FREM1: variants seen among roughly 807,000 people sequenced by gnomAD.
The protein encoded by FREM1 is FRAS1-related extracellular matrix protein 1.
Under a neutral mutation model 210.1 loss-of-function variants are expected in FREM1, and 220 were observed. The ratio of observed to expected loss-of-function variants is 1.05; its 90% CI spans 0.94 to 1.17. The LOEUF is 1.17. FREM1 is among the 50% of genes most tolerant of loss of function. FREM1 has a pLI of 0.00. For missense variants in FREM1, 3,454 were observed against 2,675.5 expected, an observed-to-expected ratio of 1.29 and a Z score of -6.42; for synonymous variants, 1,189 against 980.2, an observed-to-expected ratio of 1.21 and a Z score of -3.98.
At chr9:14,803,669 T>C (rs1174118680) in intron 19 of FREM1, among the ~76,000 whole-genome samples, 1 of 152,124 alleles carries the variant, frequency 6.6e-6, no homozygotes, top group Non-Finnish European at 1.5e-5. Context: ...ATGCCTGGCC[T>C]AAAGCATCCT....
At chr9:14,760,936 T>C (rs1388651437) in intron 27 of FREM1, among the ~76,000 whole-genome samples, 1 of 152,160 alleles carries the variant, frequency 6.6e-6, no homozygotes, top group Non-Finnish European at 1.5e-5. Flanking sequence ...TAACTGCACC[T>C]CCATTGTTTT....
intron 1 of FREM1, among the ~76,000 whole-genome samples, chr9:14,872,590 G>A (rs985272417): frequency 1.3e-5 from 2 of 152,016 alleles, no homozygotes; most frequent in African/African-American, 4.8e-5. Flanking sequence ...GGGTTTTCTA[G>A]ATATACAATC....
chr9:14,804,496 A>C (rs969506818), intron 19 of FREM1, among the ~76,000 whole-genome samples: 3 of 152,114 alleles, frequency 2.0e-5, no homozygotes, highest in Admixed American at 1.3e-4. Flanking sequence ...GAGGCAGGAG[A>C]ATGGCGTGAA....
chr9:14,806,830 T>C lies in FREM1; in HGVS notation c.3105A>G (p.Val1035=). 6.3e-7 allele frequency: 1 copy of C among 1,599,822 alleles called. No individual in the cohort carries two copies. The highest frequency in any genetic ancestry group is 8.5e-7 in the Non-Finnish European group (1 of 1,171,662). The part of the protein sequence containing the change: ...PSIAIGPVFV[V]DEGCSTALTV... ...TAAGGGCTGTTGAGCAGCCCTCATC[T>C]ACAACAAACACGGGACCTGCATACA... Residue 1035 remains valine, a synonymous_variant, in exon 18 of 37, where the codon GTA becomes GTG. Transcript: ENST00000380880.
intron 10 of FREM1, among the ~76,000 whole-genome samples, chr9:14,825,607 G>T (rs927016576): frequency 1.4e-5 from 2 of 142,896 alleles, no homozygotes; most frequent in African/African-American, 5.2e-5. Context: ...GAGTGCTACA[G>T]AATGGGCACA....
chr9:14,773,456 C>A (rs931634936), intron 25 of FREM1, among the ~76,000 whole-genome samples: 1 of 152,184 alleles, frequency 6.6e-6, no homozygotes, highest in African/African-American at 2.4e-5. Context: ...CTCTTGAAGG[C>A]AAGACACTGA....
Position 14,824,010 on chromosome 9 carries a change from A to T in FREM1, c.2169+15T>A, listed in dbSNP as rs1438935567. On this transcript the variant is annotated intron_variant, in intron 12 of 36. Transcript: ENST00000380880. ...CTTGCATCATGTTTGTCAGCATTTT[A>T]GCATATCCTCATACCTGAGTGAATG... 6.6e-7 allele frequency: 1 copy of T among 1,523,486 alleles called. No individual in the cohort carries two copies. Among genetic ancestry groups the T allele is most frequent in the Admixed American group, 1.8e-5 (1 of 54,800 alleles). The allele number at this position is 1,523,486 out of a possible 1,614,324, so 94.4% of individuals were successfully genotyped here.
At chr9:14,766,166 C>A (rs1846370301) in intron 27 of FREM1, among the ~76,000 whole-genome samples, 1 of 152,172 alleles carries the variant, frequency 6.6e-6, no homozygotes, top group Non-Finnish European at 1.5e-5. Flanking sequence ...ATTTCCTTAT[C>A]CTCAGAGGAT....
At chr9:14,833,350 A>G (rs934269036) in intron 10 of FREM1, among the ~76,000 whole-genome samples, 2 of 152,202 alleles carry the variant, frequency 1.3e-5, no homozygotes, top group Non-Finnish European at 2.9e-5. Context: ...GGCTGTTATC[A>G]TCTTTGTTTT....
intron 35 of FREM1, among the ~76,000 whole-genome samples, chr9:14,740,931 C>G (rs1841466275): frequency 6.6e-6 from 1 of 152,104 alleles, no homozygotes; most frequent in African/African-American, 2.4e-5. Context: ...ATTAAAACCT[C>G]TTTAAAAATG....
chr9:14,844,215 A>C (rs1463330055), intron 8 of FREM1, among the ~76,000 whole-genome samples: 7 of 143,050 alleles, frequency 4.9e-5, no homozygotes, highest in Non-Finnish European at 1.1e-4. Flanking sequence ...TCAGATACTT[A>C]CAACTCTTCC....
At chr9:14,763,351 C>G (rs2132333728) in intron 27 of FREM1, among the ~76,000 whole-genome samples, 1 of 152,236 alleles carries the variant, frequency 6.6e-6, no homozygotes, top group South Asian at 2.1e-4. Context: ...AGAAAAGTCA[C>G]CCCCACTTGA....
chr9:14,762,559 C>T (rs1367251046), intron 27 of FREM1, among the ~76,000 whole-genome samples: 1 of 152,024 alleles, frequency 6.6e-6, no homozygotes, highest in African/African-American at 2.4e-5. Context: ...CATTTGAATG[C>T]TGCATAACGT....
In FREM1 at chr9:14,836,013, T is replaced by C. The variant is rs888102282; in HGVS notation, c.1881+5434A>G. Among the ~76,000 whole-genome samples the C allele has an allele frequency of 4.6e-5, 7 of 152,252 alleles. No individual in the cohort carries two copies. The highest frequency in any genetic ancestry group is 6.5e-5 in the Admixed American group (1 of 15,282). ...GGTAACGTCAAAATGTGAATCAATA[T>C]GCTAGTTCTGGGCAATTATCTTGCA... On this transcript the variant is annotated intron_variant, in intron 10 of 36. Transcript: ENST00000380880. The surrounding 1 kb of genome is among the most constrained non-coding windows in gnomAD (Gnocchi z 4.9).
intron 5 of FREM1, among the ~76,000 whole-genome samples, 184 bp from the exon 6 acceptor site, chr9:14,851,791 A>C (rs547931720): frequency 6.6e-6 from 1 of 152,284 alleles, no homozygotes; most frequent in South Asian, 2.1e-4. Flanking sequence ...ATCTGTCTCC[A>C]GAGGTTCTTG....
At chr9:14,761,980 C>T (rs73644848) in intron 27 of FREM1, among the ~76,000 whole-genome samples, 1 of 152,156 alleles carries the variant, frequency 6.6e-6, no homozygotes, top group Non-Finnish European at 1.5e-5. Context: ...ATCCTAGCAA[C>T]GTATGTGCAG....
intron 7 of FREM1, among the ~76,000 whole-genome samples, chr9:14,847,098 A>T (rs1215533116): frequency 6.6e-6 from 1 of 152,098 alleles, no homozygotes; most frequent in Admixed American, 6.6e-5. Flanking sequence ...AGTAAACTTT[A>T]ACCCATTAAA....
intron 10 of FREM1, among the ~76,000 whole-genome samples, chr9:14,831,273 G>A (rs572014912): frequency 6.6e-6 from 1 of 152,286 alleles, no homozygotes; most frequent in African/African-American, 2.4e-5. Context: ...TCTGTCCGCA[G>A]CCTCTTACTC....
At chr9:14,856,362 T>C (rs1828727067) in intron 5 of FREM1, among the ~76,000 whole-genome samples, 1 of 152,230 alleles carries the variant, frequency 6.6e-6, no homozygotes, top group Admixed American at 6.5e-5. Context: ...CCTGATCAAT[T>C]TGACTAGTCT....
Sources: gnomAD v4.1 joint callset for allele counts (sites outside exome capture counted in the v4.1 genomes callset) on GRCh38, gnomAD v4.1.1 for gene constraint, Gnocchi (gnomAD v3.1) non-coding constraint, MANE v1.5 for transcripts, NCBI Gene and HGNC (gene_info 2026-07-23, HGNC 2026-07-21) for gene names.